The following PAICS variants were observed in gnomAD, a reference collection of about 807,000 sequenced individuals.
PAICS encodes the protein bifunctional phosphoribosylaminoimidazole carboxylase/phosphoribosylaminoimidazole succinocarboxamide synthetase.
A neutral mutation model predicts 53.7 loss-of-function variants in PAICS; 33 were observed. The observed-to-expected ratio is 0.61, with a 90% CI of 0.47 to 0.82. The LOEUF (loss-of-function observed/expected upper bound fraction) is 0.82, where lower values mean the gene tolerates loss of function less well. Ranked by LOEUF, PAICS falls within the 40% of genes least tolerant of loss-of-function variation. The pLI is 0.00. For missense variants in PAICS, 394 were observed against 494.1 expected (o/e 0.80, Z 1.92); for synonymous variants, 141 against 167.2 (o/e 0.84, Z 1.21).
chr4:56,456,367 T>C (rs747536130), intron 8 of PAICS, among the ~76,000 whole-genome samples: 35 of 152,310 alleles, frequency 2.3e-4, no homozygotes, highest in South Asian at 1.5e-3. Context: ...GCTGAGGTTA[T>C]GGGCGTCAGC....
Position 56,448,697 on chromosome 4 carries a change from A to G in PAICS, c.574-13A>G. 1.3e-6 allele frequency: 2 copies of G among 1,542,262 alleles called. No individual in the cohort carries two copies. The highest frequency in any genetic ancestry group is 1.8e-6 in the Non-Finnish European group (2 of 1,126,012). ...AATAGTTTTTGAAAACTTTGTTGAC[A>G]TGCTGTTTCCAGATTGAATTTGGTG... is the stretch of plus-strand genomic sequence containing the variant. On this transcript the variant is annotated splice_polypyrimidine_tract_variant and intron_variant, in intron 4 of 8. Transcript: ENST00000512576.
chr4:56,446,787 A>G lies in PAICS; in HGVS notation c.307A>G (p.Ile103Val). ...MIPIEWVCRR[I>V]ATGSFLKRNP... ...TCCAATTGAATGGGTTTGCAGAAGA[A>G]TAGCAACTGGTTCTTTTCTCAAAAG... is the stretch of plus-strand genomic sequence containing the variant. Residue 103 changes from isoleucine to valine, a missense_variant, in exon 3 of 9, where the codon ATA becomes GTA. Around this residue, in one of 3 missense-constraint regions of PAICS, gnomAD observed 168 missense variants for 199.3 expected, o/e 0.84. Transcript: ENST00000512576. The G allele has an allele frequency of 6.2e-7, 1 of 1,608,884 alleles. No homozygotes were observed. The highest frequency in any genetic ancestry group is 8.5e-7 in the Non-Finnish European group (1 of 1,176,964).
rs1719451189 is a variant in PAICS, at chr4:56,460,470, T to C, written c.*932T>C. 3 of 152,218 alleles carry C rather than the reference T, an allele frequency of 2.0e-5. No individual in the cohort carries two copies. The South Asian group carries it at 6.2e-4, about 32-fold the overall frequency. The allele number at this position is 152,218 out of a possible 1,614,324, so 9.4% of individuals were successfully genotyped here. The stretch of plus-strand genomic sequence containing the variant: ...AGGGTCAAATTCAACATTATCCTGA[T>C]CTAGACAGCCCCCATTCTCAATCCA... On this transcript the variant is annotated 3_prime_UTR_variant, in exon 9 of 9. Coordinates refer to ENST00000512576, the MANE Select transcript of PAICS (RefSeq NM_001079524.2).
At chr4:56,421,432 G>A in the PAICS span, 1 of 152,356 alleles carries the variant, frequency 6.6e-6, no homozygotes, top group East Asian at 1.9e-4. Context: ...CTCACCCCCT[G>A]GTCCATGGAA....
At chr4:56,431,823 A>G (rs1717598227), upstream of PAICS, among the ~76,000 whole-genome samples, 2 of 152,224 alleles carry the variant, frequency 1.3e-5, no homozygotes, top group South Asian at 2.1e-4. Context: ...TGGTTTGTTC[A>G]GAACTCCGCA....
Position 56,459,987 on chromosome 4 carries a change from T to G in PAICS, c.*449T>G, listed in dbSNP as rs1046331207. 1.3e-5 allele frequency: 2 copies of G among 154,168 alleles called. No individual in the cohort carries two copies. Among genetic ancestry groups the G allele is most frequent in the African/African-American group, 4.9e-5 (2 of 41,212 alleles). 9.6% of individuals were successfully genotyped at this position (154,168 alleles called of 1,614,324 possible). On this transcript the variant is annotated 3_prime_UTR_variant, in exon 9 of 9. Coordinates refer to ENST00000512576, the MANE Select transcript of PAICS (RefSeq NM_001079524.2). ...TTCACTGCTGCTTTCCCTCCTGGGC[T>G]CAAGCAGTTCTCCCACCTCAGCCTC...
upstream of PAICS, chr4:56,435,316 C>T (rs1019211343): frequency 1.2e-6 from 2 of 1,611,014 alleles, no homozygotes; most frequent in East Asian, 2.2e-5. Flanking sequence ...GAGATGGAGA[C>T]GCACGCCCCC....
At chr4:56,454,023 G>A (rs1236149418) in intron 8 of PAICS, among the ~76,000 whole-genome samples, 1 of 152,116 alleles carries the variant, frequency 6.6e-6, no homozygotes, top group Non-Finnish European at 1.5e-5. Flanking sequence ...AGAACAAAAG[G>A]AGCCCACTAT....
At chr4:56,441,142 A>C (rs1718316834) in intron 1 of PAICS, among the ~76,000 whole-genome samples, 1 of 152,192 alleles carries the variant, frequency 6.6e-6, no homozygotes, top group African/African-American at 2.4e-5. Flanking sequence ...CAAGAAACTC[A>C]TCTGGCTGAA....
At chr4:56,427,792 A>T in the PAICS span, among the ~76,000 whole-genome samples, 1 of 152,164 alleles carries the variant, frequency 6.6e-6, no homozygotes, top group African/African-American at 2.4e-5. Context: ...ACCCCAAAAT[A>T]ATACTGGGTC....
chr4:56,451,423 G>A (rs1262706009), intron 6 of PAICS, among the ~76,000 whole-genome samples: 1 of 152,060 alleles, frequency 6.6e-6, no homozygotes, highest in Non-Finnish European at 1.5e-5. Flanking sequence ...GATTATGCAA[G>A]GGTCATAATC....
At chr4:56,441,957 C>A in intron 2 of PAICS, 97 bp downstream of exon 2, 1 of 763,146 alleles carries the variant, frequency 1.3e-6, no homozygotes, top group Non-Finnish European at 2.1e-6. Context: ...AACTTGTTTG[C>A]AGATGTCTCA....
the PAICS span, among the ~76,000 whole-genome samples, chr4:56,429,401 C>T: frequency 2.0e-5 from 3 of 152,150 alleles, no homozygotes; most frequent in African/African-American, 7.2e-5. Context: ...ATCAATATAA[C>T]ATTTTAATAA....
chr4:56,438,395 A>G (rs1221692538), intron 1 of PAICS, among the ~76,000 whole-genome samples: 1 of 100,594 alleles, frequency 9.9e-6, no homozygotes, highest in South Asian at 3.6e-4. Flanking sequence ...ATATATATAT[A>G]TATATATAAA....
intron 8 of PAICS, among the ~76,000 whole-genome samples, chr4:56,454,003 A>C (rs988087603): frequency 6.6e-6 from 1 of 152,186 alleles, no homozygotes; most frequent in Non-Finnish European, 1.5e-5. Context: ...CATAATCATG[A>C]TATTGTTATA....
At chr4:56,457,941 C>T (rs777830174) in intron 8 of PAICS, among the ~76,000 whole-genome samples, 17 of 152,052 alleles carry the variant, frequency 1.1e-4, no homozygotes, top group Non-Finnish European at 2.4e-4. Context: ...TTTTTATAGG[C>T]TCTGAGAATT....
At chr4:56,430,768 T>A (rs2110068677), upstream of PAICS, among the ~76,000 whole-genome samples, 1 of 150,622 alleles carries the variant, frequency 6.6e-6, no homozygotes, top group Non-Finnish European at 1.5e-5. Context: ...AATTTGAACA[T>A]TAGACCTTAC....
At chr4:56,411,313 CTTTA>C in the PAICS span, among the ~76,000 whole-genome samples, 1 of 152,276 alleles carries the variant, frequency 6.6e-6, no homozygotes, top group South Asian at 2.1e-4. Context: ...GAACTTTCTC[CTTTA>C]TTTAATTTGC....
intron 1 of PAICS, among the ~76,000 whole-genome samples, chr4:56,437,819 CAAAAAAAAA>C (rs869109998): frequency 9.3e-5 from 2 of 21,592 alleles, no homozygotes; most frequent in Non-Finnish European, 1.9e-4. Flanking sequence ...GACTCTGTCT[CAAAAAAAAA>C]AAAAAAAAAA....
Sources: gnomAD v4.1 joint callset for allele counts (sites outside exome capture counted in the v4.1 genomes callset) on GRCh38, gnomAD v4.1.1 for gene constraint, gnomAD v4.1.1 regional missense constraint, MANE v1.5 for transcripts, NCBI Gene and HGNC (gene_info 2026-07-23, HGNC 2026-07-21) for gene names.